CSMD1: variants seen among roughly 807,000 people sequenced by gnomAD.
The protein encoded by CSMD1 is CUB and sushi domain-containing protein 1.
A neutral mutation model predicts 417.5 loss-of-function variants in CSMD1; 213 were observed. The observed-to-expected ratio is 0.51, with a 90% CI of 0.46 to 0.57. The LOEUF (loss-of-function observed/expected upper bound fraction) is 0.57, where lower values mean the gene tolerates loss of function less well. CSMD1 is among the 20% of genes least tolerant of loss of function. CSMD1 has a pLI of 0.00. For missense variants in CSMD1, 6,923 were observed against 4,529.7 expected (o/e 1.53, Z -15.17); for synonymous variants, 2,862 against 1,736.8 (o/e 1.65, Z -16.11).
intron 1 of CSMD1, among the ~76,000 whole-genome samples, chr8:4,862,237 G>C (rs1051390783): frequency 2.0e-5 from 3 of 152,054 alleles, no homozygotes; most frequent in Non-Finnish European, 2.9e-5. Context: ...GTGAGGTAGA[G>C]AGGAGTGAAC....
chr8:3,195,622 G>A (rs2129052611), intron 33 of CSMD1, among the ~76,000 whole-genome samples: 1 of 152,284 alleles, frequency 6.6e-6, no homozygotes, highest in South Asian at 2.1e-4. Flanking sequence ...GGCCAGTAAT[G>A]CAGGTCCTGC....
At chr8:4,415,916 C>A (rs1218583557) in intron 3 of CSMD1, among the ~76,000 whole-genome samples, 3 of 152,168 alleles carry the variant, frequency 2.0e-5, no homozygotes, top group Non-Finnish European at 4.4e-5. Context: ...GATGTACAGA[C>A]ATGTGGATAA....
At chr8:3,882,923 G>C (rs1444249775) in intron 5 of CSMD1, among the ~76,000 whole-genome samples, 1 of 152,150 alleles carries the variant, frequency 6.6e-6, no homozygotes, top group Non-Finnish European at 1.5e-5. Flanking sequence ...GTAATGTTCT[G>C]CATCTTGGCC....
chr8:4,031,048 T>C (rs1438695018), intron 4 of CSMD1, among the ~76,000 whole-genome samples: 1 of 152,192 alleles, frequency 6.6e-6, no homozygotes, highest in African/African-American at 2.4e-5. Context: ...ATCAGCACTT[T>C]GGTCAAAGCT....
At chr8:4,839,105 C>G (rs1029122972) in intron 1 of CSMD1, among the ~76,000 whole-genome samples, 1 of 152,104 alleles carries the variant, frequency 6.6e-6, no homozygotes, top group South Asian at 2.1e-4. Context: ...AGTCAGTTTC[C>G]CACCTCAAAC....
intron 1 of CSMD1, among the ~76,000 whole-genome samples, chr8:4,938,443 G>C (rs1324483247): frequency 6.6e-6 from 1 of 152,094 alleles, no homozygotes; most frequent in Non-Finnish European, 1.5e-5. Context: ...ATACTCACTT[G>C]TTCTCTAGTA....
At chr8:4,649,091 A>G (rs1016214827) in intron 1 of CSMD1, among the ~76,000 whole-genome samples, 4 of 152,154 alleles carry the variant, frequency 2.6e-5, no homozygotes, top group Non-Finnish European at 5.9e-5. Flanking sequence ...AAAATAAGTG[A>G]GTCATCATTG....
chr8:3,771,598 T>C (rs1036507438), intron 5 of CSMD1, among the ~76,000 whole-genome samples: 2 of 151,252 alleles, frequency 1.3e-5, no homozygotes, highest in African/African-American at 4.9e-5. Flanking sequence ...GGGCAGGGAG[T>C]CAGGCAGCAT....
Position 3,552,876 on chromosome 8 carries a change from C to G in CSMD1, c.1344+22069G>C, listed in dbSNP as rs1798977891. On this transcript the variant is annotated intron_variant, in intron 10 of 69. Coordinates refer to ENST00000635120, the MANE Select transcript of CSMD1 (RefSeq NM_033225.6). Reference sequence around the variant, plus strand: ...TTATAAAAGATTTACTTGTTTAATACAAAAGTAAATTCTTCCACTTTCTTG... The same window carrying G: ...TTATAAAAGATTTACTTGTTTAATAGAAAAGTAAATTCTTCCACTTTCTTG... Among the ~76,000 whole-genome samples the G allele has an allele frequency of 5.9e-5, 9 of 151,950 alleles. No individual in the cohort carries two copies. The South Asian group carries it at 1.9e-3, about 32-fold the overall frequency.
At chr8:3,709,462 G>A (rs1350843466) in intron 6 of CSMD1, among the ~76,000 whole-genome samples, 2 of 152,058 alleles carry the variant, frequency 1.3e-5, no homozygotes, top group Non-Finnish European at 1.5e-5. Context: ...ACCACAAGGT[G>A]CTCAGACATT....
At chr8:4,221,531 T>A (rs1454885657) in intron 3 of CSMD1, among the ~76,000 whole-genome samples, 7 of 152,092 alleles carry the variant, frequency 4.6e-5, no homozygotes, top group Non-Finnish European at 8.8e-5. Context: ...CAGCACAGAA[T>A]CCCAGGAAGG....
intron 6 of CSMD1, among the ~76,000 whole-genome samples, chr8:3,741,184 A>C (rs1215483165): frequency 7.1e-6 from 1 of 140,224 alleles, no homozygotes; most frequent in Non-Finnish European, 1.5e-5. Context: ...ATTGCAGTCC[A>C]GCCCGGGCAA....
intron 62 of CSMD1, among the ~76,000 whole-genome samples, chr8:2,959,223 C>A (rs1803262559): frequency 6.6e-6 from 1 of 152,200 alleles, no homozygotes; most frequent in Admixed American, 6.5e-5. Flanking sequence ...CCCATCTCAG[C>A]CTTCTGCACA....
At chr8:3,656,633 T>C (rs1798124617) in intron 7 of CSMD1, among the ~76,000 whole-genome samples, 1 of 152,164 alleles carries the variant, frequency 6.6e-6, no homozygotes, top group East Asian at 1.9e-4. Context: ...GTCTTTCTAT[T>C]ACAAAGGCTT....
intron 3 of CSMD1, among the ~76,000 whole-genome samples, chr8:4,312,551 T>A (rs1798688570): frequency 6.6e-6 from 1 of 151,384 alleles, no homozygotes; most frequent in Non-Finnish European, 1.5e-5. Context: ...TTGAAAGGGC[T>A]CACAGTCGTT....
At chr8:4,454,947 T>G (rs559122679) in intron 2 of CSMD1, among the ~76,000 whole-genome samples, 7 of 152,200 alleles carry the variant, frequency 4.6e-5, no homozygotes, top group Admixed American at 4.6e-4. Context: ...ATGACGCTTC[T>G]GTACGTTGTT....
intron 2 of CSMD1, among the ~76,000 whole-genome samples, chr8:4,616,186 C>G (rs1284069622): frequency 1.3e-5 from 2 of 152,020 alleles, no homozygotes; most frequent in Non-Finnish European, 2.9e-5. Context: ...TCAAAAATAC[C>G]TAGTTTTCTT....
intron 10 of CSMD1, among the ~76,000 whole-genome samples, chr8:3,514,320 T>G (rs1224443473): frequency 6.6e-6 from 1 of 152,184 alleles, no homozygotes; most frequent in Non-Finnish European, 1.5e-5. Context: ...GTAGATATTT[T>G]TGGCTAGGTG....
At chr8:3,946,607 T>C (rs1235225006) in intron 5 of CSMD1, among the ~76,000 whole-genome samples, 7 of 152,200 alleles carry the variant, frequency 4.6e-5, no homozygotes, top group Non-Finnish European at 8.8e-5. Context: ...GGCTCTTGAC[T>C]GGAATTGTGT....
Sources: allele counts gnomAD v4.1 joint callset (sites outside exome capture counted in the v4.1 genomes callset), GRCh38; gene constraint gnomAD v4.1.1; transcripts MANE v1.5; gene names NCBI Gene and HGNC (gene_info 2026-07-23, HGNC 2026-07-21).